The following NFIL3 variants were observed in gnomAD, a reference collection of about 807,000 sequenced individuals.
The protein encoded by NFIL3 is nuclear factor interleukin-3-regulated protein.
Under a neutral mutation model 10.0 loss-of-function variants are expected in NFIL3, and 5 were observed. The observed-to-expected ratio is 0.50, with a 90% CI of 0.26 to 1.06. NFIL3 has a LOEUF of 1.06. Ranked by LOEUF, NFIL3 falls within the 50% of genes least tolerant of loss-of-function variation. NFIL3 has a pLI of 0.13. For missense variants in NFIL3, 436 were observed against 547.6 expected, an observed-to-expected ratio of 0.80 and a Z score of 2.03; for synonymous variants, 202 against 206.5, an observed-to-expected ratio of 0.98 and a Z score of 0.19.
intron 1 of NFIL3, among the ~76,000 whole-genome samples, chr9:91,422,831 T>C (rs1236135443): frequency 6.6e-6 from 1 of 152,232 alleles, no homozygotes. Context: ...TTCTTGCTTT[T>C]AGGTTTTGTA....
At chr9:91,471,624 T>C in the NFIL3 span, among the ~76,000 whole-genome samples, 1 of 152,100 alleles carries the variant, frequency 6.6e-6, no homozygotes, top group Admixed American at 6.6e-5. Flanking sequence ...TAACTCGTCA[T>C]TTAGCATTAG....
the NFIL3 span, among the ~76,000 whole-genome samples, chr9:91,462,404 A>T: frequency 0.2 from 29,841 of 151,936 alleles, 3,490 homozygotes; most frequent in East Asian, 0.49. Flanking sequence ...AGTTTCTATC[A>T]TAAATGGTGT....
At chr9:91,478,496 C>A in the NFIL3 span, among the ~76,000 whole-genome samples, 1 of 151,782 alleles carries the variant, frequency 6.6e-6, no homozygotes, top group Non-Finnish European at 1.5e-5. Context: ...TTTATCAGGT[C>A]ATTTATGTTC....
At chr9:91,458,440 T>C in the NFIL3 span, among the ~76,000 whole-genome samples, 1 of 152,120 alleles carries the variant, frequency 6.6e-6, no homozygotes, top group East Asian at 1.9e-4. Flanking sequence ...TTATTCATAG[T>C]ATTCTCCTGT....
the NFIL3 span, among the ~76,000 whole-genome samples, chr9:91,470,270 G>A: frequency 6.6e-6 from 1 of 151,748 alleles, no homozygotes; most frequent in Non-Finnish European, 1.5e-5. Flanking sequence ...GAGGGTGTAT[G>A]TGTCCAGGAA....
At chr9:91,453,588 A>G in the NFIL3 span, among the ~76,000 whole-genome samples, 1 of 152,198 alleles carries the variant, frequency 6.6e-6, no homozygotes, top group Non-Finnish European at 1.5e-5. Flanking sequence ...TCCTGTGGGT[A>G]TACTAATAAA....
At chr9:91,421,890 A>G (rs1833777549) in intron 1 of NFIL3, among the ~76,000 whole-genome samples, 1 of 152,246 alleles carries the variant, frequency 6.6e-6, no homozygotes, top group Non-Finnish European at 1.5e-5. Flanking sequence ...TTCACACATA[A>G]TCACTATGTA....
At chr9:91,476,895 T>C in the NFIL3 span, among the ~76,000 whole-genome samples, 6 of 152,220 alleles carry the variant, frequency 3.9e-5, no homozygotes, top group Admixed American at 1.3e-4. Flanking sequence ...TTTGCCTTTT[T>C]CTGGAGGTTC....
rs772285508 is a variant in NFIL3 at position 91,410,763 on chromosome 9, G to A, written c.-29C>T. The A allele has an allele frequency of 2.0e-6, 3 of 1,523,344 alleles. No individual in the cohort carries two copies. The highest frequency in any genetic ancestry group is 2.6e-6 in the Non-Finnish European group (3 of 1,139,962). 94.4% of individuals were successfully genotyped at this position (1,523,344 alleles called of 1,614,324 possible). A position where few individuals can be genotyped will look rare whatever the true frequency, so the allele number is the denominator to read the frequency against. On this transcript the variant is annotated 5_prime_UTR_variant, in exon 2 of 2. Transcript: ENST00000297689. The surrounding 1 kb of genome is among the most constrained non-coding windows in gnomAD (Gnocchi z 5.7). The stretch of plus-strand genomic sequence containing the variant: ...AAACAACCTTACCCTATCTATGTGT[G>A]TAGGAGAACAAATTAATTTCCCCGT...
chr9:91,466,557 G>A, the NFIL3 span, among the ~76,000 whole-genome samples: 2 of 152,090 alleles, frequency 1.3e-5, no homozygotes, highest in Non-Finnish European at 2.9e-5. Context: ...TATTGGCTCT[G>A]TATCATAGTA....
chr9:91,427,709 G>A (rs913575283), upstream of NFIL3, among the ~76,000 whole-genome samples: 3 of 151,984 alleles, frequency 2.0e-5, no homozygotes, highest in Admixed American at 6.6e-5. Context: ...GAGTGATCAC[G>A]GCTCACTGCA....
At chr9:91,435,538 G>A in the NFIL3 span, among the ~76,000 whole-genome samples, 13 of 152,264 alleles carry the variant, frequency 8.5e-5, no homozygotes, top group South Asian at 2.1e-4. Flanking sequence ...AAGCCTGACC[G>A]AGTCCACCTG....
At chr9:91,446,792 TTC>T in the NFIL3 span, among the ~76,000 whole-genome samples, 1,057 of 145,122 alleles carry the variant, frequency 7.3e-3, 9 homozygotes, top group African/African-American at 0.023. Flanking sequence ...CTCCCTCCCT[TTC>T]TCTCTCTCTC....
chr9:91,440,805 G>C, the NFIL3 span, among the ~76,000 whole-genome samples: 1 of 152,050 alleles, frequency 6.6e-6, no homozygotes, highest in Non-Finnish European at 1.5e-5. Flanking sequence ...ACATATGTGT[G>C]AGTTTTTCAA....
At chr9:91,419,871 G>T (rs1833726173) in intron 1 of NFIL3, among the ~76,000 whole-genome samples, 2 of 152,160 alleles carry the variant, frequency 1.3e-5, no homozygotes, top group Non-Finnish European at 2.9e-5. Flanking sequence ...TGGTCAAAAG[G>T]GTCAAATATC....
the NFIL3 span, among the ~76,000 whole-genome samples, chr9:91,433,705 A>G: frequency 2.0e-5 from 3 of 152,234 alleles, no homozygotes; most frequent in Non-Finnish European, 4.4e-5. Flanking sequence ...TGTTTAAGTC[A>G]TTGTTAGATG....
the NFIL3 span, among the ~76,000 whole-genome samples, chr9:91,444,629 G>T: frequency 6.6e-6 from 1 of 152,260 alleles, no homozygotes; most frequent in African/African-American, 2.4e-5. Flanking sequence ...AGACAATTGG[G>T]CAGGGCGTGA....
the NFIL3 span, among the ~76,000 whole-genome samples, chr9:91,476,529 C>T: frequency 0.11 from 16,790 of 151,472 alleles, 1,014 homozygotes; most frequent in East Asian, 0.23. Flanking sequence ...GCCAAGATTG[C>T]GCCACTGCAC....
At chr9:91,415,817 G>A (rs1199890238) in intron 1 of NFIL3, among the ~76,000 whole-genome samples, 1 of 151,912 alleles carries the variant, frequency 6.6e-6, no homozygotes, top group Non-Finnish European at 1.5e-5. Context: ...AGTAGAGACG[G>A]GGTTTCTCCA....
Sources: gnomAD v4.1 joint callset for allele counts (sites outside exome capture counted in the v4.1 genomes callset) on GRCh38, gnomAD v4.1.1 for gene constraint, Gnocchi (gnomAD v3.1) non-coding constraint, MANE v1.5 for transcripts, NCBI Gene and HGNC (gene_info 2026-07-23, HGNC 2026-07-21) for gene names.